DCAKD: variants seen among roughly 807,000 people sequenced by gnomAD.
DCAKD encodes dephospho-CoA kinase domain containing, also known as dephospho-CoA kinase domain-containing protein.
A neutral mutation model predicts 18.7 loss-of-function variants in DCAKD; 15 were observed. That is an observed-to-expected ratio of 0.80 (90% CI 0.54 to 1.24). The LOEUF (loss-of-function observed/expected upper bound fraction) is 1.24. Among genes scored for constraint, DCAKD ranks in the 50% most tolerant of loss-of-function variants. The pLI, the probability that DCAKD is intolerant of heterozygous loss-of-function variation, is 0.00. For missense variants in DCAKD, 301 were observed against 322.0 expected (o/e 0.93, Z 0.50); for synonymous variants, 130 against 133.0 (o/e 0.98, Z 0.16).
In DCAKD at chr17:45,030,266, G is replaced by A. The variant is rs893391838; in HGVS notation, c.317-87C>T. On this transcript the variant is annotated intron_variant, in intron 3 of 4. Transcript: ENST00000651974. ...TATGCTGGGCCCCACCGTCCAGAGC[G>A]CCCAGCAGAGGGGCAGGCCTTCCAA... 5.4e-5 allele frequency: 66 copies of A among 1,232,116 alleles called. 1 individual carries two copies. The highest frequency in any genetic ancestry group is 4.7e-4 in the East Asian group (20 of 42,828). The allele number at this position is 1,232,116 out of a possible 1,614,324, so 76.3% of individuals were successfully genotyped here.
chr17:45,028,564 C>T lies in DCAKD; in HGVS notation c.404+1528G>A, dbSNP rs1199721924. ...AGCTGGGATTACAGGCATGCACCAC[C>T]ATGCCTGGCTAATTTTTGTATTTTT... On this transcript the variant is annotated intron_variant, in intron 4 of 4. Coordinates refer to ENST00000651974, the MANE Select transcript of DCAKD (RefSeq NM_001288655.2). Among the ~76,000 whole-genome samples, 4 of 150,956 alleles carry T rather than the reference C, an allele frequency of 2.6e-5. No individual in the cohort carries two copies. The South Asian group carries it at 6.2e-4, about 24-fold the overall frequency.
chr17:45,054,230 C>G (rs2053756362), upstream of DCAKD: 1 of 489,700 alleles, frequency 2.0e-6, no homozygotes, highest in African/African-American at 2.0e-5. Context: ...GGGGAACTCA[C>G]TGCCACTCAA....
intron 1 of DCAKD, among the ~76,000 whole-genome samples, chr17:45,039,665 C>CT (rs921028343): frequency 4.6e-5 from 7 of 152,208 alleles, no homozygotes; most frequent in Non-Finnish European, 7.3e-5. Context: ...CCCCGGGTGC[C>CT]TTCCCTCCTC....
exon 1 of DCAKD, chr17:45,061,080 G>A (rs2053845768): frequency 8.6e-6 from 11 of 1,281,876 alleles, no homozygotes; most frequent in South Asian, 1.9e-5. Flanking sequence ...CCAACCTTGC[G>A]CCCCTTCTTT....
intron 4 of DCAKD, among the ~76,000 whole-genome samples, chr17:45,028,853 C>T (rs1324608865): frequency 2.0e-5 from 3 of 151,660 alleles, no homozygotes; most frequent in Admixed American, 2.0e-4. Context: ...TACAGGTGCC[C>T]GCCACAACAC....
At chr17:45,041,380 C>T (rs2053432126) in intron 1 of DCAKD, among the ~76,000 whole-genome samples, 1 of 150,474 alleles carries the variant, frequency 6.6e-6, no homozygotes, top group Admixed American at 6.6e-5. Context: ...GGTGCGATCT[C>T]GGCTCACTGC....
chr17:45,030,092 C>T lies in DCAKD; in HGVS notation c.404G>A (p.Cys135Tyr), dbSNP rs1210188729. Residue 135 changes from cysteine (C) to tyrosine (Y), a missense_variant and splice_region_variant, in exon 4 of 5, where the codon TGC (cysteine) becomes TAC (tyrosine). Coordinates refer to ENST00000651974, the MANE Select transcript of DCAKD (RefSeq NM_001288655.2). ...CAGCCAGGGCATGCTACACACTCAC[C>T]AGTATACTACCACGGTGTGCTTCAT... The part of the protein sequence containing the change: ...KYMKHTVVVY[C>Y]DRDTQLARLM... The T allele has an allele frequency of 1.2e-6, 2 of 1,613,222 alleles. No homozygotes were observed. The highest frequency in any genetic ancestry group is 2.7e-5 in the African/African-American group (2 of 74,988).
intron 1 of DCAKD, among the ~76,000 whole-genome samples, chr17:45,035,480 T>TAAAA (rs35837364): frequency 1.0e-4 from 9 of 86,948 alleles, no homozygotes; most frequent in East Asian, 3.9e-4. Flanking sequence ...AGATTCCTTC[T>TAAAA]AAAAAAAAAA....
chr17:45,060,657 G>T (rs1040567038), intron 1 of DCAKD, among the ~76,000 whole-genome samples: 1 of 152,264 alleles, frequency 6.6e-6, no homozygotes, highest in African/African-American at 2.4e-5. Flanking sequence ...GGCGAGCCCT[G>T]CCTCCCTAGC....
chr17:45,043,492 C>T (rs1378308337), intron 1 of DCAKD, among the ~76,000 whole-genome samples: 2 of 152,160 alleles, frequency 1.3e-5, no homozygotes, highest in African/African-American at 2.4e-5. Flanking sequence ...CTGAGGAGCA[C>T]GTGTCCCTGA....
chr17:45,047,819 C>CACTGCA, intron 1 of DCAKD, among the ~76,000 whole-genome samples: 1 of 151,908 alleles, frequency 6.6e-6, no homozygotes, highest in Non-Finnish European at 1.5e-5. Context: ...TAGTCTCAAA[C>CACTGCA]ACCTGAGCTC....
At position 45,051,538 on chromosome 17, in the gene DCAKD, T is replaced by A. The variant is rs8071429; in HGVS notation, c.-292A>T. The A allele has an allele frequency of 0.62, 93,111 of 150,608 alleles. 29,050 individuals are homozygous for A. Among genetic ancestry groups the A allele is most frequent in the Middle Eastern group, 0.69 (199 of 290 alleles). The allele number at this position is 150,608 out of a possible 1,614,324, so 9.3% of individuals were successfully genotyped here. A position where few individuals can be genotyped will look rare whatever the true frequency, so the allele number is the denominator to read the frequency against. On this transcript the variant is annotated 5_prime_UTR_variant, in exon 1 of 5. Coordinates refer to ENST00000651974, the MANE Select transcript of DCAKD (RefSeq NM_001288655.2). ...CCCGGCTGGCTCTCACCGGCCCGCGTGGCGCGCTACGTACCCAGCGCCTCC... is the reference window on the plus strand; with the variant it reads ...CCCGGCTGGCTCTCACCGGCCCGCGAGGCGCGCTACGTACCCAGCGCCTCC...
chr17:45,026,447 C>T (rs960919203), intron 4 of DCAKD: 16 of 201,246 alleles, frequency 8.0e-5, no homozygotes, highest in Non-Finnish European at 1.3e-4. Context: ...AGGATGGTCT[C>T]GATCTCCTGA....
At chr17:45,046,361 T>C (rs2053566592) in intron 1 of DCAKD, among the ~76,000 whole-genome samples, 1 of 152,070 alleles carries the variant, frequency 6.6e-6, no homozygotes, top group African/African-American at 2.4e-5. Context: ...CGCCTGCCTG[T>C]AATCCCAGCA....
At chr17:45,033,443 C>G (rs1197782835) in intron 3 of DCAKD, among the ~76,000 whole-genome samples, 1 of 152,172 alleles carries the variant, frequency 6.6e-6, no homozygotes, top group Non-Finnish European at 1.5e-5. Flanking sequence ...GACCCTCAGT[C>G]TTCCTAACAT....
At chr17:45,036,464 G>A (rs1451384200) in intron 1 of DCAKD, among the ~76,000 whole-genome samples, 3 of 152,056 alleles carry the variant, frequency 2.0e-5, no homozygotes, top group East Asian at 1.9e-4. Context: ...TGCAGTGAGC[G>A]GAGATTGCGC....
intron 1 of DCAKD, among the ~76,000 whole-genome samples, chr17:45,035,460 T>G (rs1245701532): frequency 8.2e-6 from 1 of 121,458 alleles, no homozygotes; most frequent in Non-Finnish European, 1.6e-5. Context: ...CAGCCGTGGG[T>G]GACAGAACCA....
chr17:45,048,316 G>T (rs2053617003), intron 1 of DCAKD, among the ~76,000 whole-genome samples: 1 of 151,574 alleles, frequency 6.6e-6, no homozygotes, highest in Middle Eastern at 3.2e-3. Context: ...CAGCCTGCCT[G>T]GCCAATATGG....
chr17:45,060,535 G>A (rs554754138), intron 1 of DCAKD, among the ~76,000 whole-genome samples: 1 of 151,886 alleles, frequency 6.6e-6, no homozygotes, highest in Non-Finnish European at 1.5e-5. Context: ...AAGAAAGAAA[G>A]AAAAGAAAAG....
Sources: allele counts gnomAD v4.1 joint callset (sites outside exome capture counted in the v4.1 genomes callset), GRCh38; gene constraint gnomAD v4.1.1; transcripts MANE v1.5; gene names NCBI Gene and HGNC (gene_info 2026-07-23, HGNC 2026-07-21).